The following SPRR2G variants were observed in gnomAD, a reference collection of about 807,000 sequenced individuals.
The protein encoded by SPRR2G is small proline-rich protein 2G.
SPRR2G carries 1 observed loss-of-function variant against 0.7 expected under a neutral mutation model. The ratio of observed to expected loss-of-function variants is 1.49; its 90% CI spans 0.53 to 7.06. The LOEUF is 7.06. Ranked by LOEUF, SPRR2G falls within the 30% of genes most tolerant of loss-of-function variation. The probability of loss-of-function intolerance (pLI) is 0.14; values close to 1 mark genes in which losing one functional copy is unlikely to be tolerated. For synonymous variants in SPRR2G, 38 were observed against 33.9 expected (o/e 1.12, Z -0.42); for missense variants, 96 against 88.5 (o/e 1.09, Z -0.34).
chr1:153,153,166 G>C (rs572984464), upstream of SPRR2G, among the ~76,000 whole-genome samples: 2 of 152,182 alleles, frequency 1.3e-5, no homozygotes, highest in East Asian at 3.9e-4. Context: ...GAATAGGAGT[G>C]GGGGAGAGAC....
chr1:153,149,756 C>T lies in SPRR2G; in HGVS notation c.*133G>A. The stretch of plus-strand genomic sequence containing the variant: ...TTTCAGAACTAAGCCTTTTCTCTGT[C>T]AACGCTCAAGCCAGACAGAGGTTAG... On this transcript the variant is annotated 3_prime_UTR_variant, in exon 2 of 2. Coordinates refer to ENST00000368748, the MANE Select transcript of SPRR2G (RefSeq NM_001014291.4). The T allele has an allele frequency of 3.4e-6, 4 of 1,179,788 alleles. No individual in the cohort carries two copies. The highest frequency in any genetic ancestry group is 4.9e-6 in the Non-Finnish European group (4 of 819,800). 73.1% of individuals were successfully genotyped at this position (1,179,788 alleles called of 1,614,324 possible). A position where few individuals can be genotyped will look rare whatever the true frequency, so the allele number is the denominator to read the frequency against.
At chr1:153,158,916 G>A in the SPRR2G span, among the ~76,000 whole-genome samples, 3 of 152,174 alleles carry the variant, frequency 2.0e-5, no homozygotes, top group African/African-American at 7.2e-5. Context: ...GCCTGTTTTG[G>A]CCATGGCTCA....
chr1:153,162,405 C>T, the SPRR2G span, among the ~76,000 whole-genome samples: 1 of 152,174 alleles, frequency 6.6e-6, no homozygotes, highest in African/African-American at 2.4e-5. Flanking sequence ...TGCATGTCCT[C>T]TGTTGAATGG....
chr1:153,197,730 T>C, the SPRR2G span, among the ~76,000 whole-genome samples: 1 of 152,060 alleles, frequency 6.6e-6, no homozygotes, highest in Non-Finnish European at 1.5e-5. Context: ...TGCAGCAGGG[T>C]GGGGGTCCAG....
At chr1:153,184,678 G>T in the SPRR2G span, among the ~76,000 whole-genome samples, 7 of 152,032 alleles carry the variant, frequency 4.6e-5, no homozygotes, top group Non-Finnish European at 7.4e-5. Context: ...CCCTCTTCCT[G>T]TCTGAATGCC....
intron 1 of SPRR2G, among the ~76,000 whole-genome samples, chr1:153,150,341 T>C (rs1656439807): frequency 6.6e-6 from 1 of 152,178 alleles, no homozygotes; most frequent in Non-Finnish European, 1.5e-5. Flanking sequence ...TCTACCATTT[T>C]CTGAAAATAA....
At chr1:153,197,250 G>A in the SPRR2G span, among the ~76,000 whole-genome samples, 3 of 150,772 alleles carry the variant, frequency 2.0e-5, no homozygotes, top group South Asian at 4.3e-4. Flanking sequence ...ATGGACACTC[G>A]CTGAAGCTTG....
At chr1:153,179,627 A>T in the SPRR2G span, among the ~76,000 whole-genome samples, 1 of 152,054 alleles carries the variant, frequency 6.6e-6, no homozygotes, top group Admixed American at 6.6e-5. Context: ...AAGACCTAGG[A>T]TTCATCTCTT....
chr1:153,185,300 C>G, the SPRR2G span, among the ~76,000 whole-genome samples: 1 of 149,216 alleles, frequency 6.7e-6, no homozygotes, highest in Non-Finnish European at 1.5e-5. Flanking sequence ...CTCTTTGTAC[C>G]TCTGGTAGAA....
chr1:153,182,857 T>C, the SPRR2G span, among the ~76,000 whole-genome samples: 1 of 152,136 alleles, frequency 6.6e-6, no homozygotes, highest in Non-Finnish European at 1.5e-5. Flanking sequence ...TGTGTGCACA[T>C]GTCTTTGTAG....
the SPRR2G span, among the ~76,000 whole-genome samples, chr1:153,199,244 G>A: frequency 6.6e-6 from 1 of 152,178 alleles, no homozygotes; most frequent in African/African-American, 2.4e-5. Flanking sequence ...CTGTCCAGGT[G>A]GTCTAAAATC....
chr1:153,163,356 G>T, the SPRR2G span, among the ~76,000 whole-genome samples: 5 of 152,192 alleles, frequency 3.3e-5, no homozygotes, highest in Admixed American at 6.5e-5. Flanking sequence ...AGGCCATCTT[G>T]CCAAAGGCAC....
At chr1:153,186,390 G>T in the SPRR2G span, among the ~76,000 whole-genome samples, 1 of 152,154 alleles carries the variant, frequency 6.6e-6, no homozygotes, top group South Asian at 2.1e-4. Context: ...TTATGAATCT[G>T]GGTGCTCCTG....
chr1:153,178,778 C>T, the SPRR2G span, among the ~76,000 whole-genome samples: 4 of 152,042 alleles, frequency 2.6e-5, no homozygotes, highest in African/African-American at 4.8e-5. Flanking sequence ...ATCAGGGCTA[C>T]GTTAACCTGA....
chr1:153,153,695 T>A (rs998530026), upstream of SPRR2G, among the ~76,000 whole-genome samples: 2 of 152,070 alleles, frequency 1.3e-5, no homozygotes, highest in Non-Finnish European at 2.9e-5. Flanking sequence ...GAGGATGACA[T>A]TTCCCAAGGG....
At chr1:153,169,530 C>A in the SPRR2G span, among the ~76,000 whole-genome samples, 1 of 150,310 alleles carries the variant, frequency 6.7e-6, no homozygotes, top group African/African-American at 2.5e-5. Context: ...CATGCCACTG[C>A]ACTCCAGTCT....
At chr1:153,179,763 C>A in the SPRR2G span, among the ~76,000 whole-genome samples, 2 of 152,088 alleles carry the variant, frequency 1.3e-5, no homozygotes, top group African/African-American at 4.8e-5. Flanking sequence ...GCCACCATCA[C>A]CCTCACCTGA....
chr1:153,171,640 A>C, the SPRR2G span, among the ~76,000 whole-genome samples: 4 of 152,194 alleles, frequency 2.6e-5, no homozygotes, highest in Admixed American at 2.6e-4. Context: ...CAAAATGCTG[A>C]AAGTTGACTG....
the SPRR2G span, among the ~76,000 whole-genome samples, chr1:153,186,501 T>C: frequency 6.6e-6 from 1 of 152,346 alleles, no homozygotes; most frequent in East Asian, 1.9e-4. Flanking sequence ...CCTTTGTTGG[T>C]TTAAAATCAG....
Sources: gnomAD v4.1 joint callset for allele counts (sites outside exome capture counted in the v4.1 genomes callset) on GRCh38, gnomAD v4.1.1 for gene constraint, MANE v1.5 for transcripts, NCBI Gene and HGNC (gene_info 2026-07-23, HGNC 2026-07-21) for gene names.